The following PAMR1 variants were observed in gnomAD, a reference collection of about 807,000 sequenced individuals.
The protein encoded by PAMR1 is inactive serine protease PAMR1.
Under a neutral mutation model 81.8 loss-of-function variants are expected in PAMR1, and 88 were observed. The observed-to-expected ratio is 1.08, with a 90% CI of 0.91 to 1.28. PAMR1 has a LOEUF of 1.28. Among genes scored for constraint, PAMR1 ranks in the 50% most tolerant of loss-of-function variants. The pLI, the probability that PAMR1 is intolerant of heterozygous loss-of-function variation, is 0.00. For missense variants in PAMR1, 935 were observed against 919.7 expected (o/e 1.02, Z -0.21); for synonymous variants, 336 against 345.3 (o/e 0.97, Z 0.30).
intron 6 of PAMR1, among the ~76,000 whole-genome samples, chr11:35,444,432 T>C (rs1201598191): frequency 6.6e-6 from 1 of 152,052 alleles, no homozygotes; most frequent in Non-Finnish European, 1.5e-5. Flanking sequence ...GCCTATGTTG[T>C]ATGGTATTGC....
chr11:35,518,069 C>T (rs550614615), intron 1 of PAMR1, among the ~76,000 whole-genome samples: 2 of 152,252 alleles, frequency 1.3e-5, no homozygotes, highest in South Asian at 2.1e-4. Flanking sequence ...GAGATACTTA[C>T]CCATTCTGTT....
At chr11:35,472,199 T>C (rs1157171359) in intron 4 of PAMR1, among the ~76,000 whole-genome samples, 1 of 152,210 alleles carries the variant, frequency 6.6e-6, no homozygotes, top group Non-Finnish European at 1.5e-5. Flanking sequence ...GCACTCACTG[T>C]GTGTGTTAAG....
At chr11:35,514,350 C>G (rs1851125897) in intron 1 of PAMR1, among the ~76,000 whole-genome samples, 1 of 152,212 alleles carries the variant, frequency 6.6e-6, no homozygotes, top group Non-Finnish European at 1.5e-5. Flanking sequence ...ACATACATGG[C>G]CTTTTCAAGC....
chr11:35,494,005 G>A (rs759392533), intron 2 of PAMR1, 91 bp downstream of exon 2: 52 of 976,986 alleles, frequency 5.3e-5, no homozygotes, highest in Non-Finnish European at 6.7e-5. Flanking sequence ...CCTCCTGATG[G>A]CTGCCTGCTA....
intron 1 of PAMR1, chr11:35,513,265 T>C (rs1372326944): frequency 6.6e-6 from 1 of 152,240 alleles, no homozygotes; most frequent in Non-Finnish European, 1.5e-5. Context: ...AGGTTGTTCA[T>C]CTATATCATC....
chr11:35,496,972 C>T (rs920708872), intron 1 of PAMR1, among the ~76,000 whole-genome samples: 1 of 152,082 alleles, frequency 6.6e-6, no homozygotes, highest in Non-Finnish European at 1.5e-5. Context: ...TTGAGACCAG[C>T]CTAGCCAACA....
chr11:35,526,665 G>A (rs4755412), upstream of PAMR1, among the ~76,000 whole-genome samples: 43,283 of 152,028 alleles, frequency 0.28, 6,472 homozygotes, highest in South Asian at 0.37. Flanking sequence ...GTTTGAACCC[G>A]GGCAGCTTAG....
At chr11:35,479,182 C>T (rs1850336968) in intron 3 of PAMR1, among the ~76,000 whole-genome samples, 2 of 152,188 alleles carry the variant, frequency 1.3e-5, no homozygotes, top group East Asian at 1.9e-4. Flanking sequence ...TTTACTGTTT[C>T]CTCTTAGAAA....
At chr11:35,445,147 TTGTTGA>T (rs1410316623) in intron 6 of PAMR1, among the ~76,000 whole-genome samples, 1 of 152,214 alleles carries the variant, frequency 6.6e-6, no homozygotes, top group Non-Finnish European at 1.5e-5. Context: ...TGCCTGTCTG[TTGTTGA>T]TGTATAGGAA....
At chr11:35,451,744 ATTTGG>A (rs1490493478) in intron 6 of PAMR1, 3 of 507,526 alleles carry the variant, frequency 5.9e-6, no homozygotes, top group Non-Finnish European at 1.1e-5. Context: ...GATGTGGGGC[ATTTGG>A]GAGTAGATTA....
upstream of PAMR1, among the ~76,000 whole-genome samples, chr11:35,527,456 G>C (rs1443782803): frequency 3.9e-5 from 6 of 152,122 alleles, no homozygotes; most frequent in East Asian, 1.2e-3. Flanking sequence ...TATGAGTCTT[G>C]TTCCTACACT....
chr11:35,488,435 G>A (rs746842811), intron 3 of PAMR1, among the ~76,000 whole-genome samples: 17 of 151,354 alleles, frequency 1.1e-4, no homozygotes, highest in Non-Finnish European at 2.1e-4. Flanking sequence ...TGATCAGTCT[G>A]GCCTTGAACT....
At chr11:35,497,924 A>G (rs772552085) in intron 1 of PAMR1, among the ~76,000 whole-genome samples, 1 of 152,224 alleles carries the variant, frequency 6.6e-6, no homozygotes, top group Non-Finnish European at 1.5e-5. Flanking sequence ...TGAGAGAATG[A>G]AGGGAAGCCA....
intron 1 of PAMR1, among the ~76,000 whole-genome samples, chr11:35,503,806 T>C (rs922131921): frequency 6.6e-6 from 1 of 152,086 alleles, no homozygotes; most frequent in African/African-American, 2.4e-5. Flanking sequence ...GATTATTTGG[T>C]CTGCAAGCAA....
At chr11:35,516,239 C>T (rs535325508) in intron 1 of PAMR1, among the ~76,000 whole-genome samples, 1 of 152,214 alleles carries the variant, frequency 6.6e-6, no homozygotes, top group East Asian at 1.9e-4. Context: ...GGATTCAAAC[C>T]CTGATCAGTG....
At chr11:35,517,966 C>T (rs746670065) in intron 1 of PAMR1, among the ~76,000 whole-genome samples, 3 of 152,212 alleles carry the variant, frequency 2.0e-5, no homozygotes, top group African/African-American at 4.8e-5. Context: ...TGTGACTTTT[C>T]AGAGTCTCTA....
intron 3 of PAMR1, among the ~76,000 whole-genome samples, chr11:35,488,033 C>G (rs943862696): frequency 3.3e-5 from 5 of 152,114 alleles, no homozygotes; most frequent in Admixed American, 3.3e-4. Flanking sequence ...GCTCCCTCTC[C>G]TTTAACTCTC....
At chr11:35,452,853 T>C (rs200543099) in intron 6 of PAMR1, among the ~76,000 whole-genome samples, 1 of 152,196 alleles carries the variant, frequency 6.6e-6, no homozygotes, top group South Asian at 2.1e-4. Context: ...CATAGAGTAA[T>C]ATAATTTTCT....
At chr11:35,516,247 G>A (rs181478774) in intron 1 of PAMR1, among the ~76,000 whole-genome samples, 2 of 152,296 alleles carry the variant, frequency 1.3e-5, no homozygotes, top group Admixed American at 1.3e-4. Context: ...ACCCTGATCA[G>A]TGTTTCAAAC....
Sources: allele counts gnomAD v4.1 joint callset (sites outside exome capture counted in the v4.1 genomes callset), GRCh38; gene constraint gnomAD v4.1.1; transcripts MANE v1.5; gene names NCBI Gene and HGNC (gene_info 2026-07-23, HGNC 2026-07-21).